PCDH9: variants seen among roughly 807,000 people sequenced by gnomAD.
PCDH9 encodes the protein protocadherin-9.
A neutral mutation model predicts 70.6 loss-of-function variants in PCDH9; 24 were observed. That is an observed-to-expected ratio of 0.34 (90% confidence interval 0.25 to 0.48). The LOEUF is 0.48. Among genes scored for constraint, PCDH9 ranks in the 20% least tolerant of loss-of-function variants. The pLI, the probability that PCDH9 is intolerant of heterozygous loss-of-function variation, is 0.99. For synonymous variants in PCDH9, 562 were observed against 558.5 expected, an observed-to-expected ratio of 1.01 and a Z score of -0.09; for missense variants, 1,281 against 1,503.6, an observed-to-expected ratio of 0.85 and a Z score of 2.45.
chr13:66,986,753 C>T (rs2083899249), intron 2 of PCDH9, among the ~76,000 whole-genome samples: 1 of 151,794 alleles, frequency 6.6e-6, no homozygotes, highest in Admixed American at 6.6e-5. Flanking sequence ...ATTTTCAATT[C>T]CACTGTATAT....
At chr13:67,182,377 G>A (rs1346214154) in intron 2 of PCDH9, among the ~76,000 whole-genome samples, 1 of 151,934 alleles carries the variant, frequency 6.6e-6, no homozygotes, top group African/African-American at 2.4e-5. Flanking sequence ...CTGTCTACAG[G>A]CCATATGGGC....
chr13:67,051,382 ATTTT>A (rs567408801), intron 2 of PCDH9, among the ~76,000 whole-genome samples: 2 of 71,006 alleles, frequency 2.8e-5, no homozygotes, highest in African/African-American at 6.3e-5. Flanking sequence ...ACAATACAAG[ATTTT>A]TTTTTTTTTT....
intron 3 of PCDH9, among the ~76,000 whole-genome samples, chr13:66,841,384 A>G (rs1473484306): frequency 6.6e-6 from 1 of 152,194 alleles, no homozygotes; most frequent in Non-Finnish European, 1.5e-5. Context: ...TAACTAAGTG[A>G]ACTAGAAGCA....
chr13:66,806,141 T>C (rs752444920), intron 3 of PCDH9, among the ~76,000 whole-genome samples: 1 of 152,170 alleles, frequency 6.6e-6, no homozygotes, highest in Non-Finnish European at 1.5e-5. Flanking sequence ...TATTCATAAA[T>C]ATGTGTTTAT....
At chr13:66,523,641 G>T (rs1276267824) in intron 4 of PCDH9, among the ~76,000 whole-genome samples, 2 of 151,824 alleles carry the variant, frequency 1.3e-5, no homozygotes, top group African/African-American at 4.8e-5. Context: ...GCATATACAG[G>T]CTGCTCTGTA....
intron 3 of PCDH9, among the ~76,000 whole-genome samples, chr13:66,839,126 G>A (rs183944560): frequency 3.4e-4 from 51 of 151,542 alleles, no homozygotes; most frequent in Non-Finnish European, 7.1e-4. Flanking sequence ...ACATACTGAT[G>A]TTCAAAAATA....
intron 2 of PCDH9, among the ~76,000 whole-genome samples, chr13:67,009,815 G>A (rs531701482): frequency 4.9e-4 from 75 of 151,798 alleles, no homozygotes; most frequent in African/African-American, 1.8e-3. Context: ...AGTGTTGAAT[G>A]TATTAAATAC....
chr13:66,368,099 T>A (rs1852112981), intron 4 of PCDH9, among the ~76,000 whole-genome samples: 1 of 152,010 alleles, frequency 6.6e-6, no homozygotes, highest in African/African-American at 2.4e-5. Context: ...ATAAGTGAGG[T>A]ACATATCAAT....
rs1408246724 is a variant in PCDH9 at position 66,663,924 on chromosome 13, A to T, written c.3139-32513T>A. 2.0e-5 allele frequency among the ~76,000 whole-genome samples: 3 copies of T among 152,312 alleles called. No individual in the cohort carries two copies. In the East Asian group the frequency reaches 5.8e-4, roughly 29 times the overall value. Reference sequence around the variant, plus strand: ...CCCCACAGTGCTCATTCAAGTGAAGAGTCATCTTTGAAGGCAATTGTAGCT... The same window carrying T: ...CCCCACAGTGCTCATTCAAGTGAAGTGTCATCTTTGAAGGCAATTGTAGCT... On this transcript the variant is annotated intron_variant, in intron 3 of 4. Coordinates refer to ENST00000377865, the MANE Select transcript of PCDH9 (RefSeq NM_203487.3).
chr13:66,437,404 C>CAAAAAAAAAAA lies in PCDH9; in HGVS notation c.3341-132387_3341-132377dup, dbSNP rs66796123. ...TGGGTGACAGAGCAAGACTCTGTCT[C>CAAAAAAAAAAA]AAAAAAAAAAAAAAAAAAAAAAGGA... On this transcript the variant is annotated intron_variant, in intron 4 of 4. Transcript: ENST00000377865. 7.0e-3 allele frequency among the ~76,000 whole-genome samples: 320 copies of CAAAAAAAAAAA among 45,560 alleles called. 25 individuals are homozygous for CAAAAAAAAAAA. The highest frequency in any genetic ancestry group is 9.4e-3 in the African/African-American group (136 of 14,540). The allele number at this position is 45,560 out of a possible 152,430, so 29.9% of individuals were successfully genotyped here.
intron 2 of PCDH9, among the ~76,000 whole-genome samples, chr13:67,118,518 A>G (rs558168504): frequency 1.3e-5 from 2 of 152,236 alleles, no homozygotes; most frequent in South Asian, 4.1e-4. Flanking sequence ...CATATGGCAT[A>G]ATAGATTTTG....
chr13:66,621,798 GC>G (rs1394940388), intron 4 of PCDH9, among the ~76,000 whole-genome samples: 2 of 152,374 alleles, frequency 1.3e-5, no homozygotes, highest in East Asian at 3.9e-4. Flanking sequence ...AGTCCTCACA[GC>G]CCTGGCTCGC....
At chr13:66,752,582 C>A (rs1236134212) in intron 3 of PCDH9, among the ~76,000 whole-genome samples, 1 of 152,222 alleles carries the variant, frequency 6.6e-6, no homozygotes, top group Non-Finnish European at 1.5e-5. Flanking sequence ...CAGGCATGAG[C>A]CATGGTGGCT....
At chr13:67,130,643 GA>G (rs1353809851) in intron 2 of PCDH9, among the ~76,000 whole-genome samples, 1 of 152,016 alleles carries the variant, frequency 6.6e-6, no homozygotes, top group African/African-American at 2.4e-5. Context: ...ACACCATGAT[GA>G]CATCTCACGG....
intron 4 of PCDH9, among the ~76,000 whole-genome samples, chr13:66,485,612 TAG>T (rs1225528317): frequency 6.6e-6 from 1 of 151,676 alleles, no homozygotes; most frequent in African/African-American, 2.4e-5. Context: ...ATCATATATA[TAG>T]AGAGAGAGAC....
At chr13:66,941,725 C>T (rs1256284037) in intron 2 of PCDH9, among the ~76,000 whole-genome samples, 1 of 151,826 alleles carries the variant, frequency 6.6e-6, no homozygotes, top group East Asian at 1.9e-4. Flanking sequence ...CACCAACTAA[C>T]ATAGTTTCAA....
At chr13:67,001,958 A>G (rs920809809) in intron 2 of PCDH9, 10 of 152,184 alleles carry the variant, frequency 6.6e-5, no homozygotes, top group African/African-American at 2.4e-4. Context: ...TTTCCACTGT[A>G]TTGAATCACT....
At chr13:67,017,715 G>C (rs1001608787) in intron 2 of PCDH9, among the ~76,000 whole-genome samples, 2 of 151,880 alleles carry the variant, frequency 1.3e-5, no homozygotes, top group African/African-American at 2.4e-5. Flanking sequence ...AAAACAAGAG[G>C]AACAAAATCT....
intron 4 of PCDH9, among the ~76,000 whole-genome samples, chr13:66,467,158 C>T (rs1267463528): frequency 3.9e-5 from 6 of 152,026 alleles, no homozygotes; most frequent in Admixed American, 3.3e-4. Context: ...AGGAATACAG[C>T]AAATCACTTC....
Sources: gnomAD v4.1 joint callset for allele counts (sites outside exome capture counted in the v4.1 genomes callset) on GRCh38, gnomAD v4.1.1 for gene constraint, MANE v1.5 for transcripts, NCBI Gene and HGNC (gene_info 2026-07-23, HGNC 2026-07-21) for gene names.